GALNTL6: variants seen among roughly 807,000 people sequenced by gnomAD.
GALNTL6 encodes the protein polypeptide N-acetylgalactosaminyltransferase-like 6.
In GALNTL6, 46 loss-of-function variants were observed where a neutral mutation model predicts 73.7. The ratio of observed to expected loss-of-function variants is 0.62; its 90% confidence interval spans 0.49 to 0.80. GALNTL6 has a LOEUF of 0.80. Ranked by LOEUF, GALNTL6 falls within the 30% of genes least tolerant of loss-of-function variation. GALNTL6 has a pLI of 0.00. For missense variants in GALNTL6, 604 were observed against 755.0 expected, an observed-to-expected ratio of 0.80 and a Z score of 2.34; for synonymous variants, 259 against 263.7, an observed-to-expected ratio of 0.98 and a Z score of 0.17.
At chr4:172,034,913 T>C (rs72698948) in intron 2 of GALNTL6, among the ~76,000 whole-genome samples, 3,986 of 152,228 alleles carry the variant, frequency 0.026, 84 homozygotes, top group East Asian at 0.081. Flanking sequence ...AATAAATTTG[T>C]ATAGAAGAAT....
At chr4:172,382,979 T>G (rs1315878409) in intron 5 of GALNTL6, among the ~76,000 whole-genome samples, 1 of 152,188 alleles carries the variant, frequency 6.6e-6, no homozygotes, top group Non-Finnish European at 1.5e-5. Flanking sequence ...TTCTGGATGC[T>G]CAATTCTATT....
intron 11 of GALNTL6, among the ~76,000 whole-genome samples, chr4:173,012,611 C>T (rs540528384): frequency 2.6e-5 from 4 of 152,342 alleles, no homozygotes; most frequent in Non-Finnish European, 4.4e-5. Context: ...GGCCATAGTT[C>T]TTCCATCTTG....
At chr4:172,560,848 C>G (rs1216197234) in intron 5 of GALNTL6, among the ~76,000 whole-genome samples, 1 of 152,184 alleles carries the variant, frequency 6.6e-6, no homozygotes, top group African/African-American at 2.4e-5. Flanking sequence ...CTTACATGGT[C>G]CTGCATATGC....
chr4:172,386,764 G>C (rs1227244762), intron 5 of GALNTL6, among the ~76,000 whole-genome samples: 4 of 152,024 alleles, frequency 2.6e-5, no homozygotes, highest in Non-Finnish European at 4.4e-5. Flanking sequence ...TCAGAAGAGG[G>C]AGAAAAATTT....
Position 172,678,017 on chromosome 4 carries a change from T to G in GALNTL6, c.554-131344T>G, listed in dbSNP as rs1290923509. On this transcript the variant is annotated intron_variant, in intron 5 of 12. Transcript: ENST00000506823. ...TGGAAAAGAGTCATGCATGGTCAGT[T>G]GCAGCTTTATGTTATGTTTTGTCTC... Among the ~76,000 whole-genome samples, 3 of 126,934 alleles carry G rather than the reference T, an allele frequency of 2.4e-5. No homozygotes were observed. The East Asian group carries it at 9.5e-4, about 40-fold the overall frequency. 83.3% of individuals were successfully genotyped at this position (126,934 alleles called of 152,430 possible).
chr4:172,430,514 A>G (rs1371615899), intron 5 of GALNTL6, among the ~76,000 whole-genome samples: 21 of 152,202 alleles, frequency 1.4e-4, no homozygotes, highest in Admixed American at 1.4e-3. Flanking sequence ...ATTGGTTCAC[A>G]TGTTTTATAA....
chr4:172,013,253 C>T (rs1741077450), intron 2 of GALNTL6, among the ~76,000 whole-genome samples: 1 of 151,956 alleles, frequency 6.6e-6, no homozygotes, highest in South Asian at 2.1e-4. Context: ...CATCCTAGTG[C>T]TATGAAACAC....
At chr4:172,859,793 C>T (rs368670965) in intron 7 of GALNTL6, among the ~76,000 whole-genome samples, 2 of 152,110 alleles carry the variant, frequency 1.3e-5, no homozygotes, top group East Asian at 3.9e-4. Context: ...GCATTAGATT[C>T]TCATAGGAGT....
intron 11 of GALNTL6, among the ~76,000 whole-genome samples, chr4:173,014,037 GT>G (rs1561086972): frequency 7.3e-6 from 1 of 136,096 alleles, no homozygotes; most frequent in South Asian, 2.2e-4. Context: ...GAAATAATCC[GT>G]TTTTTTCCAA....
chr4:172,715,062 G>C (rs1161907595), intron 5 of GALNTL6, among the ~76,000 whole-genome samples: 1 of 151,724 alleles, frequency 6.6e-6, no homozygotes, highest in Non-Finnish European at 1.5e-5. Flanking sequence ...AGATCTTCTG[G>C]TTTCAGATTT....
chr4:172,043,710 A>T (rs1742148156), intron 2 of GALNTL6, among the ~76,000 whole-genome samples: 1 of 152,072 alleles, frequency 6.6e-6, no homozygotes. Flanking sequence ...GTATTATCTA[A>T]CATAAGGCAA....
At chr4:172,756,648 A>G (rs1218711494) in intron 5 of GALNTL6, among the ~76,000 whole-genome samples, 4 of 152,168 alleles carry the variant, frequency 2.6e-5, no homozygotes, top group African/African-American at 7.2e-5. Context: ...TAAAAAAAAA[A>G]AAAGAAAGCA....
Position 172,729,980 on chromosome 4 carries a change from A to AT in GALNTL6, c.554-79375dup, listed in dbSNP as rs1298155371. Among the ~76,000 whole-genome samples, 12 of 151,898 alleles carry AT rather than the reference A, an allele frequency of 7.9e-5. No individual in the cohort carries two copies. In the East Asian group the frequency reaches 1.7e-3, roughly 22 times the overall value. Reference sequence around the variant, plus strand: ...TTAGATTGGTTCCTAAGCATTTTATATTTTTTGTAGCTATTGTCAATGGAA... The same window carrying AT: ...TTAGATTGGTTCCTAAGCATTTTATATTTTTTTGTAGCTATTGTCAATGGAA... On this transcript the variant is annotated intron_variant, in intron 5 of 12. Transcript: ENST00000506823.
chr4:171,892,307 GA>G (rs1736784509), intron 2 of GALNTL6, among the ~76,000 whole-genome samples: 1 of 152,124 alleles, frequency 6.6e-6, no homozygotes, highest in Non-Finnish European at 1.5e-5. Context: ...AGAGGATGGG[GA>G]AAGATGGTTC....
chr4:172,369,658 G>T (rs2111255268), intron 5 of GALNTL6, among the ~76,000 whole-genome samples: 1 of 152,326 alleles, frequency 6.6e-6, no homozygotes, highest in Admixed American at 6.5e-5. Context: ...AGCGTGGCAT[G>T]GGCAGGCCGG....
chr4:172,101,126 G>T (rs983619718), intron 2 of GALNTL6, among the ~76,000 whole-genome samples: 3 of 152,046 alleles, frequency 2.0e-5, no homozygotes, highest in African/African-American at 7.2e-5. Context: ...GAACTCCTCA[G>T]ACTGGCACTT....
chr4:172,223,516 A>G (rs1418131000), intron 2 of GALNTL6, among the ~76,000 whole-genome samples: 2 of 152,102 alleles, frequency 1.3e-5, no homozygotes, highest in East Asian at 1.9e-4. Flanking sequence ...TGCTCAGTGC[A>G]TAGAGTTCAG....
chr4:172,902,856 G>A (rs564563071), intron 8 of GALNTL6, among the ~76,000 whole-genome samples: 1 of 152,094 alleles, frequency 6.6e-6, no homozygotes, highest in Admixed American at 6.6e-5. Flanking sequence ...TGATTACAAC[G>A]TGCCAACCCT....
At chr4:172,793,674 T>C (rs1019482917) in intron 5 of GALNTL6, among the ~76,000 whole-genome samples, 3 of 152,200 alleles carry the variant, frequency 2.0e-5, no homozygotes, top group African/African-American at 7.2e-5. Context: ...AGAGGAGACA[T>C]AATTCTGCCC....
Sources: gnomAD v4.1 joint callset for allele counts (sites outside exome capture counted in the v4.1 genomes callset) on GRCh38, gnomAD v4.1.1 for gene constraint, MANE v1.5 for transcripts, NCBI Gene and HGNC (gene_info 2026-07-23, HGNC 2026-07-21) for gene names.